Variants in WASHC4 observed in about 807,000 individuals in gnomAD.
WASHC4 encodes WASH complex subunit 7.
A neutral mutation model predicts 166.6 loss-of-function variants in WASHC4; 86 were observed. The ratio of observed to expected loss-of-function variants is 0.52; its 90% CI spans 0.43 to 0.62. The LOEUF is 0.62. WASHC4 is among the 20% of genes least tolerant of loss of function. The pLI, the probability that WASHC4 is intolerant of heterozygous loss-of-function variation, is 0.00. For synonymous variants in WASHC4, 446 were observed against 451.6 expected, an observed-to-expected ratio of 0.99 and a Z score of 0.16; for missense variants, 1,262 against 1,382.4, an observed-to-expected ratio of 0.91 and a Z score of 1.38.
intron 6 of WASHC4, among the ~76,000 whole-genome samples, chr12:105,116,507 G>T (rs11112374): frequency 0.17 from 26,313 of 152,048 alleles, 3,177 homozygotes; most frequent in African/African-American, 0.34. Context: ...AGGATACAAA[G>T]TAGCAGATAT....
chr12:105,108,132 C>G (rs969083195), intron 1 of WASHC4, among the ~76,000 whole-genome samples: 1 of 152,164 alleles, frequency 6.6e-6, no homozygotes, highest in Admixed American at 6.5e-5. Flanking sequence ...GGAGCGGCGT[C>G]CCCCTTCAGC....
intron 24 of WASHC4, 110 bp from the exon 25 acceptor site, chr12:105,149,505 C>G (rs1883565477): frequency 9.8e-7 from 1 of 1,020,196 alleles, no homozygotes. Context: ...TTAAATAGTA[C>G]TTTATAGGTA....
intron 2 of WASHC4, among the ~76,000 whole-genome samples, chr12:105,112,248 T>C (rs1440490715): frequency 2.0e-5 from 3 of 152,218 alleles, no homozygotes; most frequent in African/African-American, 7.2e-5. Context: ...TTGCTGTTGC[T>C]GAATAATATT....
At chr12:105,126,456 A>G (rs1881290388) in intron 12 of WASHC4, 94 bp downstream of exon 12, 1 of 995,758 alleles carries the variant, frequency 1.0e-6, no homozygotes, top group African/African-American at 1.6e-5. Flanking sequence ...CCTGTTTACA[A>G]AAATAATTTA....
chr12:105,129,907 C>T (rs1377647465), intron 13 of WASHC4, among the ~76,000 whole-genome samples: 1 of 152,188 alleles, frequency 6.6e-6, no homozygotes, highest in Non-Finnish European at 1.5e-5. Context: ...TTCCATAAAG[C>T]ATGTAACAGC....
In WASHC4 at chr12:105,149,718, T is replaced by G; in HGVS notation, c.2618T>G (p.Phe873Cys). The G allele has an allele frequency of 6.3e-7, 1 of 1,590,676 alleles. No homozygotes were observed. Among genetic ancestry groups the G allele is most frequent in the Non-Finnish European group, 8.6e-7 (1 of 1,160,652 alleles). ...KSRLIKDIRF[F>C]REIKDQNDHK... The stretch of plus-strand genomic sequence containing the variant: ...AGATTGATTAAAGATATTCGATTTT[T>G]CAGGGAAATTAAGGACCAAAATGAT... The change falls in exon 25 of 33, where the codon TTC (phenylalanine) becomes TGC (cysteine). Residue 873 changes from phenylalanine (F) to cysteine (C), a missense_variant. Physicochemically the swap from Phe to Cys is radical, Grantham distance 205. Coordinates refer to ENST00000332180, the MANE Select transcript of WASHC4 (RefSeq NM_015275.3).
At chr12:105,144,493 T>TC in intron 21 of WASHC4, 38 bp downstream of exon 21, 2 of 165,494 alleles carry the variant, frequency 1.2e-5, no homozygotes, top group Non-Finnish European at 2.3e-5. Context: ...TCATATTCTC[T>TC]TTTTTTTTTT....
intron 28 of WASHC4, 62 bp from the exon 29 acceptor site, chr12:105,159,937 GAT>G (rs1036309848): frequency 1.4e-6 from 2 of 1,433,104 alleles, no homozygotes; most frequent in Non-Finnish European, 2.0e-6. Flanking sequence ...ACTATTGAGA[GAT>G]GGATTTTTTT....
intron 21 of WASHC4, 73 bp downstream of exon 21, chr12:105,144,528 CTTTGAGGGTATA>C: frequency 7.6e-7 from 1 of 1,321,400 alleles, no homozygotes; most frequent in Non-Finnish European, 1.1e-6. Context: ...TTAAACAAAA[CTTTGAGGGTATA>C]TTTAAATTTT....
At chr12:105,164,062 C>A in intron 30 of WASHC4, 49 bp from the exon 31 acceptor site, 2 of 1,495,924 alleles carry the variant, frequency 1.3e-6, no homozygotes, top group South Asian at 1.1e-5. Flanking sequence ...AGTAGAATAC[C>A]ACTTCTGTAC....
At chr12:105,138,287 G>T (rs901750256) in intron 15 of WASHC4, among the ~76,000 whole-genome samples, 8 of 149,332 alleles carry the variant, frequency 5.4e-5, no homozygotes, top group African/African-American at 1.2e-4. Flanking sequence ...AGAAAAGAAA[G>T]AAAATGGAAA....
At position 105,139,425 on chromosome 12, in the gene WASHC4, G is replaced by GTGTGTGTGTGTGTGTGTGTGTGTA; in HGVS notation, c.1453-868_1453-867insGTGTGTGTGTGTGTGTGTGTGTAT. 4.3e-3 allele frequency among the ~76,000 whole-genome samples: 441 copies of GTGTGTGTGTGTGTGTGTGTGTGTA among 103,122 alleles called. 2 individuals are homozygous for GTGTGTGTGTGTGTGTGTGTGTGTA. Among genetic ancestry groups the GTGTGTGTGTGTGTGTGTGTGTGTA allele is most frequent in the African/African-American group, 0.012 (348 of 28,092 alleles). 67.7% of individuals were successfully genotyped at this position (103,122 alleles called of 152,430 possible). On this transcript the variant is annotated intron_variant, in intron 15 of 32. Coordinates refer to ENST00000332180, the MANE Select transcript of WASHC4 (RefSeq NM_015275.3). Reference sequence around the variant, plus strand: ...AGACAGACTATATATATGTGTGTGTGTATATATATATATATATATATATAT... The same window carrying GTGTGTGTGTGTGTGTGTGTGTGTA: ...AGACAGACTATATATATGTGTGTGTGTGTGTGTGTGTGTGTGTGTGTGTATATATATATATATATATATATATAT...
At chr12:105,154,855 G>A (rs1884024969) in intron 26 of WASHC4, among the ~76,000 whole-genome samples, 1 of 152,066 alleles carries the variant, frequency 6.6e-6, no homozygotes, top group South Asian at 2.1e-4. Context: ...ATGATTTGGA[G>A]GAAAACAAAC....
chr12:105,133,071 T>A (rs1177784420), intron 13 of WASHC4, among the ~76,000 whole-genome samples: 1 of 152,108 alleles, frequency 6.6e-6, no homozygotes, highest in Non-Finnish European at 1.5e-5. Flanking sequence ...TTTGCTCAGA[T>A]CCTCTAGTGG....
In WASHC4 at chr12:105,162,833, G is replaced by A; in HGVS notation, c.3145G>A (p.Gly1049Ser). 6.3e-7 allele frequency: 1 copy of A among 1,581,734 alleles called. No individual in the cohort carries two copies. The highest frequency in any genetic ancestry group is 8.7e-7 in the Non-Finnish European group (1 of 1,153,886). The change falls in exon 30 of 33, where the codon GGC becomes AGC. Residue 1049 changes from glycine to serine, a missense_variant. Coordinates refer to ENST00000332180, the MANE Select transcript of WASHC4 (RefSeq NM_015275.3). ...AATTGGAGCTGCCTTTACTGATGAT[G>A]GCTTTGCCATGGGTAAGCTTAATGG... ...NKIGAAFTDD[G>S]FAMGVAYILK... is the part of the protein sequence containing the mutation.
intron 24 of WASHC4, chr12:105,147,718 C>G: frequency 2.5e-6 from 1 of 392,732 alleles, no homozygotes; most frequent in Non-Finnish European, 3.5e-6. Flanking sequence ...CCAGCCTGAC[C>G]AACATGGAGA....
chr12:105,146,773 T>C (rs2135807343), intron 23 of WASHC4, among the ~76,000 whole-genome samples: 1 of 152,216 alleles, frequency 6.6e-6, no homozygotes. Context: ...CATATACCAC[T>C]TGAGGATCCC....
intron 27 of WASHC4, 70 bp from the exon 28 acceptor site, chr12:105,157,166 A>G: frequency 1.2e-6 from 1 of 806,048 alleles, no homozygotes; most frequent in South Asian, 1.4e-5. Context: ...CTGCAGTACC[A>G]CTTTTATATC....
chr12:105,137,001 C>A (rs895549410), intron 14 of WASHC4, among the ~76,000 whole-genome samples: 1 of 152,110 alleles, frequency 6.6e-6, no homozygotes, highest in African/African-American at 2.4e-5. Context: ...TGGCATATAT[C>A]TTCTGCCCCA....
Sources: allele counts gnomAD v4.1 joint callset (sites outside exome capture counted in the v4.1 genomes callset), GRCh38; gene constraint gnomAD v4.1.1; transcripts MANE v1.5; gene names NCBI Gene and HGNC (gene_info 2026-07-23, HGNC 2026-07-21).